The following FBXW11 variants were observed in gnomAD, a reference collection of about 807,000 sequenced individuals.
The protein encoded by FBXW11 is F-box/WD repeat-containing protein 11.
In FBXW11, 19 loss-of-function variants were observed where a neutral mutation model predicts 77.6. That is an observed-to-expected ratio of 0.24 (90% CI 0.17 to 0.36). The LOEUF is 0.36. Among genes scored for constraint, FBXW11 ranks in the 10% least tolerant of loss-of-function variants. The pLI is 1.00. For synonymous variants in FBXW11, 235 were observed against 249.4 expected, an observed-to-expected ratio of 0.94 and a Z score of 0.54; for missense variants, 334 against 704.2, an observed-to-expected ratio of 0.47 and a Z score of 5.95.
chr5:171,992,955 G>A (rs1419022502), intron 1 of FBXW11, among the ~76,000 whole-genome samples: 1 of 152,046 alleles, frequency 6.6e-6, no homozygotes, highest in East Asian at 1.9e-4. Context: ...GATTACAGCA[G>A]TGATAAAGGA....
At chr5:171,927,323 T>A (rs1761945205) in intron 2 of FBXW11, among the ~76,000 whole-genome samples, 1 of 152,174 alleles carries the variant, frequency 6.6e-6, no homozygotes, top group Non-Finnish European at 1.5e-5. Context: ...TATACCTCAA[T>A]TCTTTCAAAG....
rs1452220447 is a variant in FBXW11 at position 171,910,555 on chromosome 5, A to G, written c.436+17T>C. 1.3e-6 allele frequency: 2 copies of G among 1,594,934 alleles called. No homozygotes were observed. The highest frequency in any genetic ancestry group is 2.3e-5 in the South Asian group (2 of 88,830). On this transcript the variant is annotated intron_variant, in intron 4 of 13. Transcript: ENST00000517395. ...ATTCTTCAACTGCTCAGCTTTTGAA[A>G]AGACAAGTACAGTTACCTGGTAAAG...
At chr5:171,923,417 T>C (rs1761706938) in intron 2 of FBXW11, among the ~76,000 whole-genome samples, 1 of 152,220 alleles carries the variant, frequency 6.6e-6, no homozygotes, top group South Asian at 2.1e-4. Flanking sequence ...AATTTGTCAA[T>C]TGTTTCCTTT....
intron 2 of FBXW11, among the ~76,000 whole-genome samples, chr5:171,944,965 T>C (rs1350879782): frequency 6.6e-6 from 1 of 152,186 alleles, no homozygotes; most frequent in Non-Finnish European, 1.5e-5. Context: ...TAAATAATTA[T>C]TGAGCACCTA....
At chr5:171,923,846 G>A (rs1479122849) in intron 2 of FBXW11, among the ~76,000 whole-genome samples, 1 of 145,928 alleles carries the variant, frequency 6.9e-6, no homozygotes, top group Non-Finnish European at 1.5e-5. Flanking sequence ...ATACACACGT[G>A]ATAGCAGCAG....
intron 2 of FBXW11, among the ~76,000 whole-genome samples, chr5:171,933,694 C>T (rs1235886186): frequency 1.3e-5 from 2 of 152,168 alleles, no homozygotes; most frequent in Non-Finnish European, 2.9e-5. Context: ...CCTTTCCTCC[C>T]ACCATCACCT....
chr5:171,996,925 A>G (rs1398562691), intron 1 of FBXW11: 1 of 1,289,744 alleles, frequency 7.8e-7, no homozygotes, highest in Non-Finnish European at 1.0e-6. Flanking sequence ...CCACCAATCC[A>G]GAATGAATGG....
At chr5:171,864,859 A>G (rs557061490) in intron 13 of FBXW11, among the ~76,000 whole-genome samples, 3 of 151,748 alleles carry the variant, frequency 2.0e-5, no homozygotes, top group South Asian at 4.2e-4. Flanking sequence ...GCAGGCTGAC[A>G]TTTTCTATTC....
At chr5:171,911,850 A>G (rs2113936391) in intron 3 of FBXW11, among the ~76,000 whole-genome samples, 1 of 152,360 alleles carries the variant, frequency 6.6e-6, no homozygotes, top group East Asian at 1.9e-4. Flanking sequence ...CACAACTACT[A>G]TGAAGTGCAG....
intron 1 of FBXW11, among the ~76,000 whole-genome samples, chr5:172,004,867 G>GCGCGCA: frequency 6.7e-6 from 1 of 149,448 alleles, no homozygotes; most frequent in African/African-American, 2.5e-5. Flanking sequence ...AACCCCACGT[G>GCGCGCA]CACACACACA....
intron 1 of FBXW11, among the ~76,000 whole-genome samples, chr5:171,999,704 T>C (rs1766296125): frequency 6.6e-6 from 1 of 152,170 alleles, no homozygotes; most frequent in Non-Finnish European, 1.5e-5. Flanking sequence ...TTTTTCACAA[T>C]AGTAGAACCT....
intron 7 of FBXW11, among the ~76,000 whole-genome samples, chr5:171,883,697 T>C (rs558273912): frequency 2.0e-4 from 30 of 152,322 alleles, no homozygotes; most frequent in African/African-American, 7.2e-4. Context: ...GGTATCACAA[T>C]GTGGTTTTGA....
rs947344716 is a variant in FBXW11 at position 171,869,857 on chromosome 5, G to A, written c.1452-50C>T. 4 of 1,270,374 alleles carry A rather than the reference G, an allele frequency of 3.1e-6. No homozygotes were observed. The highest frequency in any genetic ancestry group is 4.5e-6 in the Non-Finnish European group (4 of 895,850). 78.7% of individuals were successfully genotyped at this position (1,270,374 alleles called of 1,614,324 possible). On this transcript the variant is annotated intron_variant, in intron 11 of 13. Coordinates refer to ENST00000517395, the MANE Select transcript of FBXW11 (RefSeq NM_001378974.1). The surrounding 1 kb of genome is among the most constrained non-coding windows in gnomAD (Gnocchi z 4.1). ...TAGTGGAAAAGTGAACAATTTATAT[G>A]CTGTCAAACATTTCCTTGAAAAAAA... is the stretch of plus-strand genomic sequence containing the variant.
At chr5:171,897,160 C>T (rs1489078221) in intron 6 of FBXW11, among the ~76,000 whole-genome samples, 1 of 152,140 alleles carries the variant, frequency 6.6e-6, no homozygotes, top group East Asian at 1.9e-4. Flanking sequence ...AGTACTTGGC[C>T]TACCTTTCAG....
At chr5:171,950,819 A>G (rs1007060067) in intron 2 of FBXW11, among the ~76,000 whole-genome samples, 1 of 152,156 alleles carries the variant, frequency 6.6e-6, no homozygotes, top group African/African-American at 2.4e-5. Context: ...CCTGGGAGGC[A>G]GAGGCTGCAA....
At chr5:171,976,406 T>C (rs1004048911) in intron 1 of FBXW11, among the ~76,000 whole-genome samples, 1 of 152,202 alleles carries the variant, frequency 6.6e-6, no homozygotes, top group Non-Finnish European at 1.5e-5. Context: ...CTCTTCCAAA[T>C]TTATTCCCTC....
chr5:171,962,309 C>A (rs1763953427), intron 1 of FBXW11, among the ~76,000 whole-genome samples: 3 of 152,088 alleles, frequency 2.0e-5, no homozygotes, highest in Non-Finnish European at 4.4e-5. Flanking sequence ...AGTGGGGATA[C>A]TTAACAGAAG....
intron 1 of FBXW11, among the ~76,000 whole-genome samples, chr5:171,997,842 A>G (rs1766153941): frequency 6.6e-6 from 1 of 152,202 alleles, no homozygotes; most frequent in Non-Finnish European, 1.5e-5. Context: ...GATAAAAACA[A>G]AAAGACTGAA....
intron 13 of FBXW11, among the ~76,000 whole-genome samples, chr5:171,866,594 G>C (rs1757408551): frequency 6.6e-6 from 1 of 152,136 alleles, no homozygotes; most frequent in South Asian, 2.1e-4. Flanking sequence ...ATCTTGTTCA[G>C]GGCACTTTTA....
Sources: allele counts gnomAD v4.1 joint callset (sites outside exome capture counted in the v4.1 genomes callset), GRCh38; gene constraint gnomAD v4.1.1; non-coding constraint Gnocchi (gnomAD v3.1); transcripts MANE v1.5; gene names NCBI Gene and HGNC (gene_info 2026-07-23, HGNC 2026-07-21).